COL8A1: variants seen among roughly 807,000 people sequenced by gnomAD.
COL8A1 encodes collagen alpha-1(VIII) chain.
COL8A1 carries 21 observed loss-of-function variants against 42.7 expected under a neutral mutation model. The observed-to-expected ratio is 0.49, with a 90% confidence interval of 0.35 to 0.71. The LOEUF (loss-of-function observed/expected upper bound fraction) is 0.71, where lower values mean the gene tolerates loss of function less well. Among genes scored for constraint, COL8A1 ranks in the 30% least tolerant of loss-of-function variants. The pLI is 0.01. For missense variants in COL8A1, 788 were observed against 962.4 expected, an observed-to-expected ratio of 0.82 and a Z score of 2.40; for synonymous variants, 367 against 369.1, an observed-to-expected ratio of 0.99 and a Z score of 0.06.
intron 1 of COL8A1, among the ~76,000 whole-genome samples, chr3:99,691,052 A>T (rs1939204986): frequency 6.6e-6 from 1 of 152,172 alleles, no homozygotes; most frequent in African/African-American, 2.4e-5. Context: ...CAAAAGGCTG[A>T]CTTTTCCTGT....
chr3:99,693,219 A>G lies in COL8A1; in HGVS notation c.-128-51678A>G, dbSNP rs1300563700. 2.6e-5 allele frequency among the ~76,000 whole-genome samples: 4 copies of G among 152,214 alleles called. No homozygotes were observed. In the South Asian group the frequency reaches 8.3e-4, roughly 32 times the overall value. ...ACAAAAATAAAAACAAAAGTATCGC[A>G]CATGTAATTATGTACAGTTCATAAA... On this transcript the variant is annotated intron_variant, in intron 1 of 3. Coordinates refer to ENST00000652472, the MANE Select transcript of COL8A1 (RefSeq NM_020351.4).
intron 1 of COL8A1, among the ~76,000 whole-genome samples, chr3:99,639,666 T>TA (rs1212070654): frequency 6.6e-6 from 1 of 152,230 alleles, no homozygotes; most frequent in African/African-American, 2.4e-5. Context: ...AGGAAAAACA[T>TA]ACTCCACAGC....
chr3:99,650,597 G>A (rs1404873592), intron 1 of COL8A1, among the ~76,000 whole-genome samples: 1 of 151,928 alleles, frequency 6.6e-6, no homozygotes, highest in Non-Finnish European at 1.5e-5. Context: ...ACCACACCCA[G>A]CTAATTTTTG....
chr3:99,787,981 C>T (rs1408649751), intron 2 of COL8A1, among the ~76,000 whole-genome samples: 1 of 152,114 alleles, frequency 6.6e-6, no homozygotes, highest in African/African-American at 2.4e-5. Flanking sequence ...GAAAGAGAGG[C>T]ATGAAAACCC....
chr3:99,712,056 G>C (rs1187343474), intron 1 of COL8A1, among the ~76,000 whole-genome samples: 2 of 152,100 alleles, frequency 1.3e-5, no homozygotes, highest in Non-Finnish European at 2.9e-5. Context: ...GAGCAAAACA[G>C]AAAACCTGTA....
chr3:99,751,268 T>C (rs540049105), intron 2 of COL8A1, among the ~76,000 whole-genome samples: 1 of 152,184 alleles, frequency 6.6e-6, no homozygotes, highest in Admixed American at 6.5e-5. Context: ...GAAAATTTAT[T>C]TTCTCAGGGT....
chr3:99,711,762 G>A (rs1163891271), intron 1 of COL8A1, among the ~76,000 whole-genome samples: 2 of 152,102 alleles, frequency 1.3e-5, no homozygotes, highest in Non-Finnish European at 2.9e-5. Context: ...GAGAGTATAT[G>A]GGATACAGAG....
intron 1 of COL8A1, among the ~76,000 whole-genome samples, chr3:99,656,306 T>C (rs753755920): frequency 2.0e-5 from 3 of 152,214 alleles, no homozygotes; most frequent in Admixed American, 1.3e-4. Context: ...CCTGTTAAGC[T>C]AGAAAACCTC....
chr3:99,686,326 A>G (rs1939049952), intron 1 of COL8A1, among the ~76,000 whole-genome samples: 1 of 152,236 alleles, frequency 6.6e-6, no homozygotes, highest in South Asian at 2.1e-4. Context: ...ATGTATGAAA[A>G]CAAAGAAAAG....
chr3:99,770,593 A>G (rs1250975482), intron 2 of COL8A1, among the ~76,000 whole-genome samples: 2 of 152,204 alleles, frequency 1.3e-5, no homozygotes, highest in Non-Finnish European at 2.9e-5. Context: ...AATAAAAGAG[A>G]GAATGGAAAA....
intron 2 of COL8A1, among the ~76,000 whole-genome samples, chr3:99,786,139 T>C (rs1252469627): frequency 6.6e-6 from 1 of 152,176 alleles, no homozygotes; most frequent in Non-Finnish European, 1.5e-5. Context: ...AACCTTCACA[T>C]CTCTATCCAA....
chr3:99,746,009 A>G (rs1941017752), intron 2 of COL8A1, among the ~76,000 whole-genome samples: 1 of 152,064 alleles, frequency 6.6e-6, no homozygotes, highest in Non-Finnish European at 1.5e-5. Flanking sequence ...ATTTAATTTT[A>G]TTTCATAATT....
At chr3:99,686,035 A>C (rs1382285117) in intron 1 of COL8A1, among the ~76,000 whole-genome samples, 1 of 152,186 alleles carries the variant, frequency 6.6e-6, no homozygotes, top group Non-Finnish European at 1.5e-5. Context: ...GTTTTGAAAA[A>C]TCCACACAAA....
At chr3:99,759,610 A>C (rs1941327315) in intron 2 of COL8A1, among the ~76,000 whole-genome samples, 1 of 152,220 alleles carries the variant, frequency 6.6e-6, no homozygotes. Context: ...CCAAGATCAA[A>C]TGTACAAGAT....
At chr3:99,668,263 G>A (rs1559772852) in intron 1 of COL8A1, among the ~76,000 whole-genome samples, 1 of 152,110 alleles carries the variant, frequency 6.6e-6, no homozygotes, top group Non-Finnish European at 1.5e-5. Context: ...CAGGTTTTCG[G>A]TCCATTTAAT....
At chr3:99,705,096 CT>C (rs1342528729) in intron 1 of COL8A1, among the ~76,000 whole-genome samples, 2 of 152,222 alleles carry the variant, frequency 1.3e-5, no homozygotes, top group Non-Finnish European at 1.5e-5. Context: ...TTCTCTACAC[CT>C]TTTTTTCTTC....
intron 2 of COL8A1, among the ~76,000 whole-genome samples, chr3:99,763,686 T>C (rs1941406694): frequency 6.6e-6 from 1 of 152,082 alleles, no homozygotes; most frequent in South Asian, 2.1e-4. Flanking sequence ...AGCTGGGGTT[T>C]TAACCCAGGC....
intron 1 of COL8A1, among the ~76,000 whole-genome samples, chr3:99,657,021 A>G (rs1446123618): frequency 2.6e-5 from 4 of 152,226 alleles, no homozygotes; most frequent in African/African-American, 9.7e-5. Flanking sequence ...TTTTATCAGA[A>G]CTTCCTCATT....
intron 2 of COL8A1, among the ~76,000 whole-genome samples, chr3:99,756,090 CA>C (rs1280863875): frequency 6.6e-6 from 1 of 151,678 alleles, no homozygotes; most frequent in Non-Finnish European, 1.5e-5. Context: ...ATAAAACTTG[CA>C]GATGGATTGG....
Sources: gnomAD v4.1 joint callset for allele counts (sites outside exome capture counted in the v4.1 genomes callset) on GRCh38, gnomAD v4.1.1 for gene constraint, MANE v1.5 for transcripts, NCBI Gene and HGNC (gene_info 2026-07-23, HGNC 2026-07-21) for gene names.